The following NWD2 variants were observed in gnomAD, a reference collection of about 807,000 sequenced individuals.
The protein encoded by NWD2 is NACHT and WD repeat domain-containing protein 2.
In NWD2, 37 loss-of-function variants were observed where a neutral mutation model predicts 132.7. The observed-to-expected ratio is 0.28, with a 90% confidence interval of 0.21 to 0.37. The LOEUF is 0.37. Ranked by LOEUF, NWD2 falls within the 10% of genes least tolerant of loss-of-function variation. The pLI is 1.00. For missense variants in NWD2, 1,592 were observed against 2,122.4 expected (o/e 0.75, Z 4.91); for synonymous variants, 705 against 803.0 (o/e 0.88, Z 2.06).
In NWD2 at chr4:37,379,237, C is replaced by T. The variant is rs78794079; in HGVS notation, c.357+22755C>T. 9.2e-5 allele frequency among the ~76,000 whole-genome samples: 14 copies of T among 152,258 alleles called. No homozygotes were observed. In the East Asian group the frequency reaches 1.9e-3, roughly 21 times the overall value. On this transcript the variant is annotated intron_variant, in intron 3 of 6. Coordinates refer to ENST00000309447, the MANE Select transcript of NWD2 (RefSeq NM_001144990.2). The stretch of plus-strand genomic sequence containing the variant: ...CAGGAAGAATTGTGATGGTCAGAGC[C>T]AATGTAGTCGGTCAAATCTAAGACT...
At position 37,305,736 on chromosome 4, in the gene NWD2, G is replaced by A. The variant is rs1019264767; in HGVS notation, c.152-20200G>A. 3.9e-5 allele frequency among the ~76,000 whole-genome samples: 6 copies of A among 152,196 alleles called. No homozygotes were observed. In the East Asian group the frequency reaches 1.2e-3, roughly 29 times the overall value. On this transcript the variant is annotated intron_variant, in intron 1 of 6. Transcript: ENST00000309447. ...GTTTGATTTCGTTTGCTAGTATTTT[G>A]TTGGGGATTTTGCATCTGTGTTCAT...
intron 3 of NWD2, among the ~76,000 whole-genome samples, chr4:37,364,636 AT>A (rs1282923648): frequency 6.6e-6 from 1 of 151,922 alleles, no homozygotes; most frequent in African/African-American, 2.4e-5. Flanking sequence ...GAATGGGCAT[AT>A]CACCATTGTT....
chr4:37,275,376 G>A (rs1362326031), intron 1 of NWD2, among the ~76,000 whole-genome samples: 2 of 152,126 alleles, frequency 1.3e-5, no homozygotes, highest in African/African-American at 2.4e-5. Context: ...CAAGGGATGT[G>A]AAGGACCTCT....
chr4:37,301,708 GCTTA>G (rs1338735578), intron 1 of NWD2, among the ~76,000 whole-genome samples: 3 of 150,936 alleles, frequency 2.0e-5, no homozygotes, highest in South Asian at 2.1e-4. Context: ...TTTATTCAAT[GCTTA>G]CTTTTATTCC....
At chr4:37,401,422 C>G (rs1240205429) in intron 3 of NWD2, among the ~76,000 whole-genome samples, 7 of 152,084 alleles carry the variant, frequency 4.6e-5, no homozygotes, top group Non-Finnish European at 1.0e-4. Flanking sequence ...ACTTTTGATT[C>G]CTCCCTGTCC....
At chr4:37,269,173 C>T (rs946635299) in intron 1 of NWD2, among the ~76,000 whole-genome samples, 9 of 151,854 alleles carry the variant, frequency 5.9e-5, no homozygotes, top group Admixed American at 3.3e-4. Flanking sequence ...CATAATCATG[C>T]GATGATCACA....
At chr4:37,409,002 G>A (rs549077886) in intron 3 of NWD2, among the ~76,000 whole-genome samples, 1 of 152,152 alleles carries the variant, frequency 6.6e-6, no homozygotes, top group East Asian at 1.9e-4. Context: ...CCCATCCAAA[G>A]GTCACCAACA....
chr4:37,431,199 C>G (rs1023355234), intron 4 of NWD2, among the ~76,000 whole-genome samples: 12 of 152,146 alleles, frequency 7.9e-5, no homozygotes, highest in African/African-American at 2.2e-4. Flanking sequence ...TCCACACTCC[C>G]AGGTTCATTG....
intron 3 of NWD2, among the ~76,000 whole-genome samples, chr4:37,371,117 G>A (rs1289384894): frequency 7.7e-5 from 9 of 116,396 alleles, no homozygotes; most frequent in Admixed American, 1.3e-4. Flanking sequence ...TCAGTCTGTC[G>A]CCCAGGCTGG....
chr4:37,276,956 G>A lies in NWD2; in HGVS notation c.151+31738G>A, dbSNP rs193052391. Among the ~76,000 whole-genome samples, 854 of 152,130 alleles carry A rather than the reference G, an allele frequency of 5.6e-3. 8 individuals carry two copies. The highest frequency in any genetic ancestry group is 0.019 in the African/African-American group (805 of 41,494). On this transcript the variant is annotated intron_variant, in intron 1 of 6. Transcript: ENST00000309447. The stretch of plus-strand genomic sequence containing the variant: ...CAATGAGAACACATGGACACAGGAA[G>A]GGGAACATCACACACCGGGGCCTGT...
Position 37,441,806 on chromosome 4 carries a change from C to G in NWD2, c.1297-1479C>G, listed in dbSNP as rs1259820274. Among the ~76,000 whole-genome samples the G allele has an allele frequency of 2.0e-5, 3 of 152,168 alleles. No homozygotes were observed. The East Asian group carries it at 5.8e-4, about 29-fold the overall frequency. On this transcript the variant is annotated intron_variant, in intron 6 of 6. Coordinates refer to ENST00000309447, the MANE Select transcript of NWD2 (RefSeq NM_001144990.2). ...AACAACAACCTGTACCGTCCTGTGA[C>G]CTCATGTCCCTTTGAGGATGCAGAT...
intron 3 of NWD2, among the ~76,000 whole-genome samples, chr4:37,375,484 T>A (rs1427999352): frequency 6.6e-6 from 1 of 152,016 alleles, no homozygotes; most frequent in African/African-American, 2.4e-5. Flanking sequence ...GACTGACACA[T>A]AGAAAGATTA....
chr4:37,424,868 CA>C (rs1711948066), intron 3 of NWD2, among the ~76,000 whole-genome samples: 1 of 152,198 alleles, frequency 6.6e-6, no homozygotes. Flanking sequence ...TGGTACAATA[CA>C]AACTGCATGC....
intron 3 of NWD2, among the ~76,000 whole-genome samples, chr4:37,417,411 T>C (rs1711650076): frequency 6.6e-6 from 1 of 151,952 alleles, no homozygotes; most frequent in South Asian, 2.1e-4. Context: ...AATTTTAAAA[T>C]AAAAAACATA....
chr4:37,434,432 G>A (rs1381271483), intron 5 of NWD2, among the ~76,000 whole-genome samples: 2 of 152,112 alleles, frequency 1.3e-5, no homozygotes, highest in African/African-American at 2.4e-5. Context: ...TATTTTTTTA[G>A]AGGGAGGAAA....
At chr4:37,258,202 T>G (rs1477937408) in intron 1 of NWD2, among the ~76,000 whole-genome samples, 2 of 152,278 alleles carry the variant, frequency 1.3e-5, no homozygotes, top group East Asian at 3.8e-4. Context: ...GCCACTATTC[T>G]CTAGGAAGGA....
chr4:37,273,888 A>C (rs1577651533), intron 1 of NWD2, among the ~76,000 whole-genome samples: 5 of 152,084 alleles, frequency 3.3e-5, no homozygotes, highest in East Asian at 3.9e-4. Context: ...CCAACGAGAA[A>C]AAAGACACAA....
chr4:37,447,441 G>T lies in NWD2; in HGVS notation c.*224G>T. ...GAATTTCTAGTAGTAATATTTAAAT[G>T]GTTACTTCATCTGAAAGGCAGAGGC... is the stretch of plus-strand genomic sequence containing the variant. On this transcript the variant is annotated 3_prime_UTR_variant, in exon 7 of 7. Coordinates refer to ENST00000309447, the MANE Select transcript of NWD2 (RefSeq NM_001144990.2). The T allele has an allele frequency of 9.2e-6, 5 of 546,372 alleles. No homozygotes were observed. Among genetic ancestry groups the T allele is most frequent in the South Asian group, 2.4e-5 (1 of 41,790 alleles). 33.8% of individuals were successfully genotyped at this position (546,372 alleles called of 1,614,324 possible). A position where few individuals can be genotyped will look rare whatever the true frequency, so the allele number is the denominator to read the frequency against.
chr4:37,438,621 C>T (rs560087716), intron 5 of NWD2, among the ~76,000 whole-genome samples, 180 bp from the exon 6 acceptor site: 122 of 152,220 alleles, frequency 8.0e-4, no homozygotes, highest in Middle Eastern at 6.8e-3. Context: ...CCTGTTCTCC[C>T]GGGTTGCTGG....
Sources: allele counts gnomAD v4.1 joint callset (sites outside exome capture counted in the v4.1 genomes callset), GRCh38; gene constraint gnomAD v4.1.1; transcripts MANE v1.5; gene names NCBI Gene and HGNC (gene_info 2026-07-23, HGNC 2026-07-21).